Variants in B3GAT2 observed in about 807,000 individuals in gnomAD.
The protein encoded by B3GAT2 is beta-1,3-glucuronyltransferase 2, also known as galactosylgalactosylxylosylprotein 3-beta-glucuronosyltransferase 2.
B3GAT2 carries 26 observed loss-of-function variants against 27.8 expected under a neutral mutation model. The ratio of observed to expected loss-of-function variants is 0.93; its 90% CI spans 0.68 to 1.30. B3GAT2 has a LOEUF of 1.30. Among genes scored for constraint, B3GAT2 ranks in the 50% most tolerant of loss-of-function variants. B3GAT2 has a pLI of 0.00. For missense variants in B3GAT2, 458 were observed against 459.0 expected, an observed-to-expected ratio of 1.00 and a Z score of 0.02; for synonymous variants, 218 against 195.1, an observed-to-expected ratio of 1.12 and a Z score of -0.98.
intron 1 of B3GAT2, among the ~76,000 whole-genome samples, chr6:70,908,871 G>C (rs150302997): frequency 1.3e-3 from 204 of 152,282 alleles, no homozygotes; most frequent in African/African-American, 4.7e-3. Context: ...ATATGTGACA[G>C]CTGGATAAAA....
rs769314119 is a variant in B3GAT2 at position 70,859,963 on chromosome 6, G to GTAT, written c.*1697_*1699dup. The GTAT allele has an allele frequency of 2.6e-6, 1 of 388,478 alleles. No individual in the cohort carries two copies. Among genetic ancestry groups the GTAT allele is most frequent in the Non-Finnish European group, 4.5e-6 (1 of 222,052 alleles). The allele number at this position is 388,478 out of a possible 1,614,324, so 24.1% of individuals were successfully genotyped here. A position where few individuals can be genotyped will look rare whatever the true frequency, so the allele number is the denominator to read the frequency against. On this transcript the variant is annotated 3_prime_UTR_variant, in exon 4 of 4. Transcript: ENST00000230053. ...TCATTAAAATCCCAAGATTGCTTTG[G>GTAT]TATTTTTTTTTAAGTAAGTTGTGGT... is the stretch of plus-strand genomic sequence containing the variant.
At chr6:70,862,281 A>AC (rs916638704) in intron 2 of B3GAT2, among the ~76,000 whole-genome samples, 3 of 152,096 alleles carry the variant, frequency 2.0e-5, no homozygotes, top group African/African-American at 4.8e-5. Context: ...GTGATCATCA[A>AC]CCCCCCACAT....
At chr6:70,955,430 C>CA (rs1197614461) in intron 1 of B3GAT2, among the ~76,000 whole-genome samples, 3 of 149,674 alleles carry the variant, frequency 2.0e-5, no homozygotes, top group Non-Finnish European at 4.4e-5. Context: ...CCCACCCCTC[C>CA]ACCGCCACCC....
At chr6:70,932,050 C>G (rs1256189123) in intron 1 of B3GAT2, among the ~76,000 whole-genome samples, 1 of 152,094 alleles carries the variant, frequency 6.6e-6, no homozygotes, top group African/African-American at 2.4e-5. Flanking sequence ...AGATGCAAAT[C>G]AAAATCACAA....
intron 1 of B3GAT2, among the ~76,000 whole-genome samples, chr6:70,904,762 T>C (rs1348306884): frequency 6.6e-6 from 1 of 151,808 alleles, no homozygotes; most frequent in African/African-American, 2.4e-5. Flanking sequence ...TTACAGGGGG[T>C]GTGTGTAGCT....
chr6:70,945,379 G>A (rs1172924748), intron 1 of B3GAT2, among the ~76,000 whole-genome samples: 1 of 152,124 alleles, frequency 6.6e-6, no homozygotes, highest in Non-Finnish European at 1.5e-5. Flanking sequence ...AGTGCTTAAA[G>A]GAGCTGATGG....
At chr6:70,927,276 C>T (rs1772978825) in intron 1 of B3GAT2, among the ~76,000 whole-genome samples, 2 of 152,152 alleles carry the variant, frequency 1.3e-5, no homozygotes, top group South Asian at 4.1e-4. Flanking sequence ...AACTAATGAG[C>T]AAAATAACCA....
chr6:70,926,469 A>C (rs1479290429), intron 1 of B3GAT2, among the ~76,000 whole-genome samples: 2 of 152,226 alleles, frequency 1.3e-5, no homozygotes, highest in Non-Finnish European at 2.9e-5. Context: ...AACAGCATAG[A>C]GAAGATCTTA....
At position 70,956,254 on chromosome 6, in the gene B3GAT2, G is replaced by A; in HGVS notation, c.176C>T (p.Pro59Leu). ...GTTGCGCTTTTGGGTCCCGTGAGCCGGGCCGCCCCTGCGGAGCGGGAGTCG... is the reference window on the plus strand; with the variant it reads ...GTTGCGCTTTTGGGTCCCGTGAGCCAGGCCGCCCCTGCGGAGCGGGAGTCG... ...GARLPLRRGGPAHGTQKRNQS... is the reference protein window; with the variant it reads ...GARLPLRRGGLAHGTQKRNQS... Residue 59 changes from proline (P) to leucine (L), a missense_variant, in exon 1 of 4, where the codon CCG becomes CTG. Coordinates refer to ENST00000230053, the MANE Select transcript of B3GAT2 (RefSeq NM_080742.3). 1.2e-6 allele frequency: 2 copies of A among 1,611,194 alleles called. No homozygotes were observed. Among genetic ancestry groups the A allele is most frequent in the East Asian group, 2.2e-5 (1 of 44,802 alleles).
At chr6:70,914,500 T>C (rs1421755274) in intron 1 of B3GAT2, among the ~76,000 whole-genome samples, 2 of 152,252 alleles carry the variant, frequency 1.3e-5, no homozygotes, top group African/African-American at 4.8e-5. Context: ...CCATGGTATA[T>C]ATGTGCCACA....
At chr6:70,942,129 A>C (rs1765402612) in intron 1 of B3GAT2, among the ~76,000 whole-genome samples, 3 of 152,190 alleles carry the variant, frequency 2.0e-5, no homozygotes, top group African/African-American at 7.2e-5. Flanking sequence ...AGATGCAAAA[A>C]AATAAAAAGG....
At chr6:70,903,152 AAAAG>A (rs1282646351) in intron 1 of B3GAT2, among the ~76,000 whole-genome samples, 20 of 152,152 alleles carry the variant, frequency 1.3e-4, no homozygotes, top group East Asian at 3.9e-4. Flanking sequence ...AAAAAATTAA[AAAAG>A]AAAGAAAAAG....
chr6:70,859,629 G>T lies in B3GAT2; in HGVS notation c.*2034C>A. On this transcript the variant is annotated 3_prime_UTR_variant, in exon 4 of 4. Transcript: ENST00000230053. ...ATTTTGGAAGTAAGAGAATCACAGG[G>T]TTAAGATGCTTATATATATATATAT... 2.8e-6 allele frequency: 1 copy of T among 360,982 alleles called. No individual in the cohort carries two copies. Among genetic ancestry groups the T allele is most frequent in the Non-Finnish European group, 5.0e-6 (1 of 201,052 alleles). 22.4% of individuals were successfully genotyped at this position (360,982 alleles called of 1,614,324 possible). A position where few individuals can be genotyped will look rare whatever the true frequency, so the allele number is the denominator to read the frequency against.
At chr6:70,950,395 G>A (rs148109587) in intron 1 of B3GAT2, among the ~76,000 whole-genome samples, 102 of 152,020 alleles carry the variant, frequency 6.7e-4, no homozygotes, top group African/African-American at 2.1e-3. Flanking sequence ...CAAGAAGAAA[G>A]ACCTGAATTC....
chr6:70,897,658 GAAA>G (rs71538453), intron 1 of B3GAT2, among the ~76,000 whole-genome samples: 2,031 of 134,932 alleles, frequency 0.015, 25 homozygotes, highest in South Asian at 0.043. Flanking sequence ...AGAACTGCTT[GAAA>G]AAAAAAAAAA....
chr6:70,863,642 C>T (rs1582336386), intron 2 of B3GAT2, among the ~76,000 whole-genome samples: 1 of 152,050 alleles, frequency 6.6e-6, no homozygotes, highest in African/African-American at 2.4e-5. Flanking sequence ...TCTTTATTTG[C>T]GAGAGAAGTG....
chr6:70,891,093 A>G (rs1772280983), intron 2 of B3GAT2, among the ~76,000 whole-genome samples: 1 of 152,354 alleles, frequency 6.6e-6, no homozygotes. Flanking sequence ...CCTTCAAAAC[A>G]GAGCTAAAAC....
chr6:70,921,326 C>T (rs1772867453), intron 1 of B3GAT2, among the ~76,000 whole-genome samples: 1 of 152,068 alleles, frequency 6.6e-6, no homozygotes. Flanking sequence ...ATTTGAGGAA[C>T]CAGTCTTCAA....
intron 2 of B3GAT2, among the ~76,000 whole-genome samples, chr6:70,892,269 T>G (rs2150030859): frequency 6.6e-6 from 1 of 152,364 alleles, no homozygotes; most frequent in African/African-American, 2.4e-5. Flanking sequence ...AGGCCAGCCC[T>G]AATGCACAAA....
Sources: gnomAD v4.1 joint callset for allele counts (sites outside exome capture counted in the v4.1 genomes callset) on GRCh38, gnomAD v4.1.1 for gene constraint, MANE v1.5 for transcripts, NCBI Gene and HGNC (gene_info 2026-07-23, HGNC 2026-07-21) for gene names.